GNA12: variants seen among roughly 807,000 people sequenced by gnomAD.
The protein encoded by GNA12 is G protein subunit alpha 12, also known as guanine nucleotide-binding protein subunit alpha-12.
GNA12 carries 9 observed loss-of-function variants against 26.0 expected under a neutral mutation model. The observed-to-expected ratio is 0.35, with a 90% CI of 0.21 to 0.60. The LOEUF is 0.60. GNA12 is among the 20% of genes least tolerant of loss of function. GNA12 has a pLI of 0.78. For missense variants in GNA12, 405 were observed against 525.8 expected (o/e 0.77, Z 2.25); for synonymous variants, 264 against 219.6 (o/e 1.20, Z -1.79).
chr7:2,805,712 A>T (rs1792930140), intron 1 of GNA12, among the ~76,000 whole-genome samples: 1 of 152,236 alleles, frequency 6.6e-6, no homozygotes, highest in South Asian at 2.1e-4. Flanking sequence ...AAAAATAGTA[A>T]TTAAAATCTG....
intron 2 of GNA12, chr7:2,762,396 G>A: frequency 2.2e-6 from 1 of 455,310 alleles, no homozygotes. Context: ...TTTCCTCACT[G>A]AGGAAACCAA....
At chr7:2,735,812 C>G (rs983992181) in intron 2 of GNA12, among the ~76,000 whole-genome samples, 7 of 152,140 alleles carry the variant, frequency 4.6e-5, no homozygotes, top group African/African-American at 1.7e-4. Context: ...CGAGAAACAG[C>G]CCAGGGGGTC....
At chr7:2,800,846 T>C (rs1792792872) in intron 1 of GNA12, among the ~76,000 whole-genome samples, 1 of 152,174 alleles carries the variant, frequency 6.6e-6, no homozygotes, top group African/African-American at 2.4e-5. Context: ...CCCACTGTGA[T>C]TCCTCCTCCG....
At chr7:2,751,954 C>T (rs188287408) in intron 2 of GNA12, among the ~76,000 whole-genome samples, 1 of 152,140 alleles carries the variant, frequency 6.6e-6, no homozygotes, top group Admixed American at 6.5e-5. Flanking sequence ...CGAACGTGAA[C>T]TTTTTCAGAA....
chr7:2,731,460 G>C lies in GNA12; in HGVS notation c.867C>G (p.Val289=). ...TIVNNKLFFN[V]SIILFLNKMD... ...TCTTGTTGAGGAAGAGAATGATGGA[G>C]ACGTTGAAGAAGAGCTTGTTGTTGA... The change falls in exon 4 of 4, where the codon GTC becomes GTG. Residue 289 remains valine (V), a synonymous_variant. Transcript: ENST00000275364. This position sits in a 1 kb window ranked among gnomAD's most constrained non-coding sequence, Gnocchi z 6.0. The C allele has an allele frequency of 1.9e-6, 3 of 1,614,004 alleles. No individual in the cohort carries two copies. Among genetic ancestry groups the C allele is most frequent in the Non-Finnish European group, 2.5e-6 (3 of 1,179,928 alleles).
chr7:2,804,906 T>A (rs201197956), intron 1 of GNA12, among the ~76,000 whole-genome samples: 12 of 148,496 alleles, frequency 8.1e-5, no homozygotes, highest in Admixed American at 8.0e-4. Flanking sequence ...TAAAATAAAT[T>A]AAAAAAAAAA....
chr7:2,829,993 T>G (rs1380330453), intron 1 of GNA12, among the ~76,000 whole-genome samples: 4 of 152,208 alleles, frequency 2.6e-5, no homozygotes, highest in Non-Finnish European at 5.9e-5. Context: ...CAACCTCCAG[T>G]GGACTCCTGC....
At chr7:2,748,397 C>G (rs1251041328) in intron 2 of GNA12, among the ~76,000 whole-genome samples, 8 of 152,172 alleles carry the variant, frequency 5.3e-5, no homozygotes, top group Admixed American at 5.2e-4. Context: ...CTGACAGAAA[C>G]AAGCAATGGG....
intron 1 of GNA12, chr7:2,815,250 C>A: frequency 3.5e-6 from 1 of 285,068 alleles, no homozygotes; most frequent in Non-Finnish European, 6.7e-6. Context: ...GTCAAGGAGG[C>A]TGCTTAAATG....
chr7:2,786,185 A>C (rs1424198382), intron 2 of GNA12, among the ~76,000 whole-genome samples: 10 of 152,216 alleles, frequency 6.6e-5, no homozygotes, highest in Non-Finnish European at 1.2e-4. Context: ...GCACACGCTC[A>C]CCAATGCCAG....
chr7:2,820,427 G>C (rs1323104294), intron 1 of GNA12, among the ~76,000 whole-genome samples: 2 of 133,680 alleles, frequency 1.5e-5, no homozygotes, highest in South Asian at 4.5e-4. Context: ...TTTAAGCTGA[G>C]GCCAGGCATG....
chr7:2,756,600 C>T (rs904336050), intron 2 of GNA12, among the ~76,000 whole-genome samples: 4 of 139,944 alleles, frequency 2.9e-5, no homozygotes, highest in Non-Finnish European at 6.5e-5. Context: ...GAGTGAGACC[C>T]TGTCTCAAAC....
Position 2,730,235 on chromosome 7 carries a change from AT to A in GNA12, c.*945del, listed in dbSNP as rs1327564097. The A allele has an allele frequency of 1.3e-5, 2 of 152,416 alleles. No homozygotes were observed. Among genetic ancestry groups the A allele is most frequent in the Non-Finnish European group, 2.9e-5 (2 of 68,060 alleles). 9.4% of individuals were successfully genotyped at this position (152,416 alleles called of 1,614,324 possible). On this transcript the variant is annotated 3_prime_UTR_variant, in exon 4 of 4. Transcript: ENST00000275364. ...AATGTTTCTGAAAGAAGGAAACGCT[AT>A]GTGCTGCCAACTGTGTGTGAGCAGA...
intron 1 of GNA12, among the ~76,000 whole-genome samples, chr7:2,796,982 G>C (rs896134345): frequency 6.6e-6 from 1 of 152,164 alleles, no homozygotes; most frequent in Non-Finnish European, 1.5e-5. Context: ...TACACTGGGG[G>C]TATACAGAGT....
intron 2 of GNA12, among the ~76,000 whole-genome samples, chr7:2,738,399 C>T (rs530275563): frequency 6.6e-6 from 1 of 152,310 alleles, no homozygotes; most frequent in East Asian, 1.9e-4. Flanking sequence ...AAACTGTGAT[C>T]TCCACGCAGT....
At chr7:2,794,254 G>A (rs917080274) in intron 2 of GNA12, among the ~76,000 whole-genome samples, 4 of 152,212 alleles carry the variant, frequency 2.6e-5, no homozygotes, top group Admixed American at 1.3e-4. Context: ...GCAAACGGCT[G>A]TGAGAGTGAG....
At chr7:2,789,472 G>A (rs1290882053) in intron 2 of GNA12, among the ~76,000 whole-genome samples, 1 of 152,122 alleles carries the variant, frequency 6.6e-6, no homozygotes, top group Admixed American at 6.5e-5. Context: ...AGTGATTTCT[G>A]GAAAAACAGC....
intron 2 of GNA12, among the ~76,000 whole-genome samples, chr7:2,746,256 C>A (rs1222388289): frequency 1.3e-5 from 2 of 152,142 alleles, no homozygotes; most frequent in Non-Finnish European, 2.9e-5. Flanking sequence ...CCAAAATTGA[C>A]CACTTGATAG....
intron 1 of GNA12, among the ~76,000 whole-genome samples, chr7:2,821,191 T>G (rs1793363231): frequency 6.6e-6 from 1 of 152,196 alleles, no homozygotes; most frequent in Non-Finnish European, 1.5e-5. Flanking sequence ...GACGCTTAGA[T>G]TACAGATGTT....
Sources: allele counts gnomAD v4.1 joint callset (sites outside exome capture counted in the v4.1 genomes callset), GRCh38; gene constraint gnomAD v4.1.1; non-coding constraint Gnocchi (gnomAD v3.1); transcripts MANE v1.5; gene names NCBI Gene and HGNC (gene_info 2026-07-23, HGNC 2026-07-21).